Variants in GAL3ST2 observed in about 807,000 individuals in gnomAD.
GAL3ST2 encodes the protein beta-galactose-3-O-sulfotransferase 2.
A neutral mutation model predicts 12.9 loss-of-function variants in GAL3ST2; 16 were observed. The observed-to-expected ratio is 1.24, with a 90% confidence interval of 0.84 to 1.88. The LOEUF (loss-of-function observed/expected upper bound fraction) is 1.88. GAL3ST2 is among the 40% of genes most tolerant of loss of function. GAL3ST2 has a pLI of 0.00. For missense variants in GAL3ST2, 639 were observed against 571.8 expected (o/e 1.12, Z -1.20); for synonymous variants, 302 against 273.9 (o/e 1.10, Z -1.01).
intron 1 of GAL3ST2, among the ~76,000 whole-genome samples, chr2:241,779,258 G>T (rs1699535137): frequency 9.3e-6 from 1 of 107,586 alleles, no homozygotes; most frequent in Non-Finnish European, 1.7e-5. Flanking sequence ...TTTTGAGACG[G>T]AGTCTCGCTC....
rs189948842 is a variant in GAL3ST2 at position 241,801,731 on chromosome 2, G to C, written c.120-50G>C. The C allele has an allele frequency of 4.0e-5, 64 of 1,581,544 alleles. No individual in the cohort carries two copies. Among genetic ancestry groups the C allele is most frequent in the Non-Finnish European group, 5.4e-5 (63 of 1,165,446 alleles). On this transcript the variant is annotated intron_variant, in intron 2 of 3. Transcript: ENST00000192314. The surrounding 1 kb of genome is among the most constrained non-coding windows in gnomAD (Gnocchi z 4.4). The stretch of plus-strand genomic sequence containing the variant: ...GGCTGGGGGTCGCTGTTGGGCGGGG[G>C]TTGGGGCATCTGCACCCTTGCTGAA...
At chr2:241,784,848 A>C (rs1023292362) in intron 1 of GAL3ST2, among the ~76,000 whole-genome samples, 1 of 152,260 alleles carries the variant, frequency 6.6e-6, no homozygotes, top group Non-Finnish European at 1.5e-5. Flanking sequence ...TATTAAAGGA[A>C]ACAACTCTGG....
chr2:241,793,959 T>C lies in GAL3ST2; in HGVS notation c.30-5106T>C, dbSNP rs997217018. Among the ~76,000 whole-genome samples, 1 of 152,170 alleles carries C rather than the reference T, an allele frequency of 6.6e-6. No homozygotes were observed. ...CGGTTTTGTTGTTGTTGTTTGTTTA[T>C]TTTTTGAGACAGAGACTGGCTCTGT... is the stretch of plus-strand genomic sequence containing the variant. On this transcript the variant is annotated intron_variant, in intron 1 of 3. Coordinates refer to ENST00000192314, the MANE Select transcript of GAL3ST2 (RefSeq NM_022134.3). This position sits in a 1 kb window ranked among gnomAD's most constrained non-coding sequence, Gnocchi z 4.7.
chr2:241,784,804 C>A (rs1375907050), intron 1 of GAL3ST2, among the ~76,000 whole-genome samples: 2 of 152,164 alleles, frequency 1.3e-5, no homozygotes, highest in African/African-American at 4.8e-5. Flanking sequence ...TGTTTCAGAA[C>A]CCTAGGCAGT....
At position 241,802,281 on chromosome 2, in the gene GAL3ST2, G is replaced by A. The variant is rs1297440880; in HGVS notation, c.375+245G>A. Among the ~76,000 whole-genome samples, 1 of 152,184 alleles carries A rather than the reference G, an allele frequency of 6.6e-6. No homozygotes were observed. The highest frequency in any genetic ancestry group is 6.5e-5 in the Admixed American group (1 of 15,288). ...AGCCCCACAGCCCCTGCCCAAGGGC[G>A]TCCCCAGCGCTCCCCCGCTTCTCTG... On this transcript the variant is annotated intron_variant, in intron 3 of 3. Coordinates refer to ENST00000192314, the MANE Select transcript of GAL3ST2 (RefSeq NM_022134.3). The surrounding 1 kb of genome is among the most constrained non-coding windows in gnomAD (Gnocchi z 4.8).
At position 241,800,600 on chromosome 2, in the gene GAL3ST2, G is replaced by T. The variant is rs920781186; in HGVS notation, c.120-1181G>T. ...AGCCGGGACGGGAAGCACTCGGTGC[G>T]CAGCCTCTGTAAACCGCCAGAACCA... On this transcript the variant is annotated intron_variant, in intron 2 of 3. Transcript: ENST00000192314. The surrounding 1 kb of genome is among the most constrained non-coding windows in gnomAD (Gnocchi z 5.2). Among the ~76,000 whole-genome samples, 1 of 152,204 alleles carries T rather than the reference G, an allele frequency of 6.6e-6. No homozygotes were observed.
In GAL3ST2 at chr2:241,802,075, CGTGCCT is replaced by C. The variant is rs767337229; in HGVS notation, c.375+43_375+48del. ...GCTGGGGAGGAGGGCGGGCTGCAGC[CGTGCCT>C]GTGGCTGTGGGTCTGGGTGGTGTAG... is the stretch of plus-strand genomic sequence containing the variant. On this transcript the variant is annotated intron_variant, in intron 3 of 3. Transcript: ENST00000192314. The surrounding 1 kb of genome is among the most constrained non-coding windows in gnomAD (Gnocchi z 4.8). 7.0e-5 allele frequency: 109 copies of C among 1,562,680 alleles called. No individual in the cohort carries two copies. The highest frequency in any genetic ancestry group is 9.3e-5 in the Non-Finnish European group (107 of 1,153,786).
Position 241,801,331 on chromosome 2 carries a change from ATGTGCCACATTT to A in GAL3ST2, c.120-448_120-437del. The A allele has an allele frequency of 1.1e-5, 2 of 188,890 alleles. No individual in the cohort carries two copies. The highest frequency in any genetic ancestry group is 1.2e-4 in the South Asian group (1 of 8,058). The allele number at this position is 188,890 out of a possible 1,614,324, so 11.7% of individuals were successfully genotyped here. A position where few individuals can be genotyped will look rare whatever the true frequency, so the allele number is the denominator to read the frequency against. On this transcript the variant is annotated intron_variant, in intron 2 of 3. Transcript: ENST00000192314. The surrounding 1 kb of genome is among the most constrained non-coding windows in gnomAD (Gnocchi z 4.4). ...GGCTGCACAGTATTCCGTGGTGTAG[ATGTGCCACATTT>A]TCTTTACGGTCTCTATGTAACATTC... is the stretch of plus-strand genomic sequence containing the variant.
In GAL3ST2 at chr2:241,793,911, G is replaced by A. The variant is rs573304073; in HGVS notation, c.30-5154G>A. The stretch of plus-strand genomic sequence containing the variant: ...GTTTCTAAAACCAGAAGTTCCCTGA[G>A]CTGGAGATGGGATGTCTTAAGTCGG... On this transcript the variant is annotated intron_variant, in intron 1 of 3. Transcript: ENST00000192314. This position sits in a 1 kb window ranked among gnomAD's most constrained non-coding sequence, Gnocchi z 4.7. 6.6e-6 allele frequency among the ~76,000 whole-genome samples: 1 copy of A among 152,254 alleles called. No homozygotes were observed. The highest frequency in any genetic ancestry group is 2.1e-4 in the South Asian group (1 of 4,822).
rs193179667 is a variant in GAL3ST2 at position 241,799,154 on chromosome 2, C to G, written c.119C>G (p.Pro40Arg). The G allele has an allele frequency of 1.1e-5, 17 of 1,612,914 alleles. No individual in the cohort carries two copies. The African/African-American group carries it at 1.7e-4, about 16-fold the overall frequency. ...FLHSDLELDT[P>R]LFGGQAEGPP... ...CACTCGGACTTAGAGCTGGACACAC[C>G]GTAAGTCCTGCCCCCACCATAAGTC... The change falls in exon 2 of 4, where the codon CCC becomes CGC. Residue 40 changes from proline to arginine, a missense_variant and splice_region_variant. Coordinates refer to ENST00000192314, the MANE Select transcript of GAL3ST2 (RefSeq NM_022134.3).
In GAL3ST2 at chr2:241,803,771, A is replaced by G. The variant is rs764447947; in HGVS notation, c.802A>G (p.Thr268Ala). The G allele has an allele frequency of 7.3e-6, 11 of 1,504,596 alleles. No homozygotes were observed. In the South Asian group the frequency reaches 8.8e-5, roughly 12 times the overall value. The allele number at this position is 1,504,596 out of a possible 1,614,324, so 93.2% of individuals were successfully genotyped here. The change falls in exon 4 of 4, where the codon ACC becomes GCC. Residue 268 changes from threonine to alanine, a missense_variant. Transcript: ENST00000192314. The part of the protein sequence containing the change: ...ARSVARLSPE[T>A]RERARSWCAL... ...CTCCGTGGCCCGCCTGTCGCCCGAG[A>G]CCCGGGAGCGCGCGCGGAGCTGGTG...
chr2:241,801,900 T>C lies in GAL3ST2; in HGVS notation c.239T>C (p.Leu80Pro), dbSNP rs1699854787. 6.2e-7 allele frequency: 1 copy of C among 1,612,864 alleles called. No individual in the cohort carries two copies. The highest frequency in any genetic ancestry group is 1.7e-5 in the Admixed American group (1 of 59,998). ...ILYRFAETHN[L>P]SVALPAGSRV... ...TACCGCTTCGCCGAGACCCACAACC[T>C]GTCCGTGGCGCTGCCCGCCGGCTCA... Residue 80 changes from leucine to proline, a missense_variant, in exon 3 of 4, where the codon CTG becomes CCG. Physicochemically the swap from Leu to Pro is moderately conservative, Grantham distance 98. Transcript: ENST00000192314. The surrounding 1 kb of genome is among the most constrained non-coding windows in gnomAD (Gnocchi z 4.4).
At chr2:241,781,497 A>C (rs1303323245) in intron 1 of GAL3ST2, among the ~76,000 whole-genome samples, 1 of 152,220 alleles carries the variant, frequency 6.6e-6, no homozygotes, top group African/African-American at 2.4e-5. Flanking sequence ...CCTGTGGATG[A>C]TAAAAAGTTT....
chr2:241,803,285 C>A (rs1184943020), intron 3 of GAL3ST2, 60 bp from the exon 4 acceptor site: 57 of 1,414,868 alleles, frequency 4.0e-5, no homozygotes, highest in Non-Finnish European at 5.4e-5. Context: ...CTCCTCCCCG[C>A]GGGTGGGCCA....
intron 1 of GAL3ST2, 64 bp from the exon 2 acceptor site, chr2:241,799,001 A>G: frequency 7.8e-7 from 1 of 1,274,350 alleles, no homozygotes; most frequent in Non-Finnish European, 1.1e-6. Flanking sequence ...TGGCTGCAGG[A>G]TGGGAGGTGG....
intron 1 of GAL3ST2, among the ~76,000 whole-genome samples, chr2:241,794,112 AATTTTTGT>A (rs1699740774): frequency 6.6e-6 from 1 of 151,912 alleles, no homozygotes. Context: ...ACACCTGGCT[AATTTTTGT>A]ATTTTTCGTA....
intron 1 of GAL3ST2, among the ~76,000 whole-genome samples, chr2:241,797,228 G>A (rs548895673): frequency 6.6e-6 from 1 of 152,158 alleles, no homozygotes; most frequent in South Asian, 2.1e-4. Flanking sequence ...GTCTTGCTTA[G>A]ACGGCAGCCT....
chr2:241,803,404 C>G lies in GAL3ST2; in HGVS notation c.435C>G (p.Phe145Leu). 2 of 1,612,648 alleles carry G rather than the reference C, an allele frequency of 1.2e-6. No homozygotes were observed. The highest frequency in any genetic ancestry group is 1.7e-6 in the Non-Finnish European group (2 of 1,179,428). The stretch of plus-strand genomic sequence containing the variant: ...TCTCCATCCTGAGGAACCCCGTGTT[C>G]CAGCTGGAGTCCTCCTTCATCTACT... ...FYFSILRNPV[F>L]QLESSFIYYK... is the part of the protein sequence containing the mutation. The change falls in exon 4 of 4, where the codon TTC (phenylalanine) becomes TTG (leucine). Residue 145 changes from phenylalanine (F) to leucine (L), a missense_variant. Coordinates refer to ENST00000192314, the MANE Select transcript of GAL3ST2 (RefSeq NM_022134.3).
At chr2:241,788,242 C>T (rs1699651047) in intron 1 of GAL3ST2, among the ~76,000 whole-genome samples, 1 of 152,146 alleles carries the variant, frequency 6.6e-6, no homozygotes, top group South Asian at 2.1e-4. Context: ...TCCTGTATTG[C>T]ATTACCTGAC....
Sources: allele counts gnomAD v4.1 joint callset (sites outside exome capture counted in the v4.1 genomes callset), GRCh38; gene constraint gnomAD v4.1.1; non-coding constraint Gnocchi (gnomAD v3.1); transcripts MANE v1.5; gene names NCBI Gene and HGNC (gene_info 2026-07-23, HGNC 2026-07-21).